C11orf65: variants seen among roughly 807,000 people sequenced by gnomAD.
The protein encoded by C11orf65 is chromosome 11 open reading frame 65.
C11orf65 carries 38 observed loss-of-function variants against 35.3 expected under a neutral mutation model. The observed-to-expected ratio is 1.08, with a 90% CI of 0.83 to 1.41. The LOEUF (loss-of-function observed/expected upper bound fraction) is 1.41, where lower values mean the gene tolerates loss of function less well. Among genes scored for constraint, C11orf65 ranks in the 40% most tolerant of loss-of-function variants. The pLI, the probability that C11orf65 is intolerant of heterozygous loss-of-function variation, is 0.00. For missense variants in C11orf65, 370 were observed against 367.1 expected (o/e 1.01, Z -0.06); for synonymous variants, 105 against 114.4 (o/e 0.92, Z 0.53).
chr11:108,429,840 A>C (rs908027363), intron 3 of C11orf65, among the ~76,000 whole-genome samples: 1 of 152,162 alleles, frequency 6.6e-6, no homozygotes, highest in Admixed American at 6.5e-5. Context: ...GCAATAAACT[A>C]TTACATGGGT....
At chr11:108,446,406 G>A (rs2093258858) in intron 2 of C11orf65, among the ~76,000 whole-genome samples, 1 of 151,598 alleles carries the variant, frequency 6.6e-6, no homozygotes. Context: ...CCCACAAAGG[G>A]AAGCCCATCA....
At chr11:108,453,066 G>A (rs570479017) in intron 2 of C11orf65, among the ~76,000 whole-genome samples, 13 of 150,250 alleles carry the variant, frequency 8.7e-5, no homozygotes, top group South Asian at 8.5e-4. Context: ...GAGTTAATGC[G>A]TGCAGCACAC....
In C11orf65 at chr11:108,326,209, A is replaced by G. The variant is rs1060501640; in HGVS notation, c.641-17138T>C. 3.7e-6 allele frequency: 6 copies of G among 1,614,144 alleles called. No individual in the cohort carries two copies. Among genetic ancestry groups the G allele is most frequent in the Non-Finnish European group, 5.1e-6 (6 of 1,180,018 alleles). On this transcript the variant is annotated intron_variant, in intron 6 of 6. Coordinates refer to the C11orf65 transcript ENST00000525729. The stretch of plus-strand genomic sequence containing the variant: ...CTCAAGCAAATGATCAAGAAGTTGG[A>G]TGCCAGCTGTGCAGCGGTTTGTTTT...
chr11:108,329,106 G>A (rs876659083), downstream of C11orf65: 2 of 1,614,000 alleles, frequency 1.2e-6, no homozygotes, highest in Non-Finnish European at 1.7e-6. Context: ...TCATTAGCCC[G>A]GTTTTCAGAT....
intron 2 of C11orf65, among the ~76,000 whole-genome samples, chr11:108,451,667 C>T (rs373893769): frequency 1.1e-4 from 17 of 152,174 alleles, no homozygotes; most frequent in East Asian, 7.7e-4. Context: ...TTAAAGTTCA[C>T]ATGGAACCAA....
At chr11:108,436,090 T>C (rs1334601113) in intron 2 of C11orf65, among the ~76,000 whole-genome samples, 2 of 146,642 alleles carry the variant, frequency 1.4e-5, no homozygotes, top group East Asian at 4.0e-4. Context: ...CAGGGGTTGC[T>C]CCAGGAAAGG....
At chr11:108,329,666 C>T (rs1023284624), downstream of C11orf65, among the ~76,000 whole-genome samples, 3 of 152,154 alleles carry the variant, frequency 2.0e-5, no homozygotes, top group Admixed American at 6.5e-5. Flanking sequence ...CCACCTTGGC[C>T]GCCCAAAGTG....
intron 2 of C11orf65, among the ~76,000 whole-genome samples, chr11:108,446,137 A>T (rs1315813222): frequency 1.3e-5 from 2 of 152,182 alleles, no homozygotes; most frequent in Non-Finnish European, 2.9e-5. Context: ...CTACGTGAAA[A>T]GACCAAATCT....
chr11:108,394,893 G>T (rs1455091930), intron 6 of C11orf65, among the ~76,000 whole-genome samples: 1 of 152,142 alleles, frequency 6.6e-6, no homozygotes, highest in Non-Finnish European at 1.5e-5. Context: ...CACTTTGGGA[G>T]GGTAAGGCAG....
In C11orf65 at chr11:108,423,700, T is replaced by C. The variant is rs901848100; in HGVS notation, c.174+8046A>G. On this transcript the variant is annotated intron_variant, in intron 3 of 8. Transcript: ENST00000393084. ...GGCAGGTGCCCCTCTGGGACAAAGC[T>C]TCCAGAGGAAGGAACAGTCAGCAAT... 3.3e-5 allele frequency among the ~76,000 whole-genome samples: 5 copies of C among 152,252 alleles called. No individual in the cohort carries two copies. In the South Asian group the frequency reaches 6.2e-4, roughly 19 times the overall value.
chr11:108,439,761 G>C (rs552521597), intron 2 of C11orf65, among the ~76,000 whole-genome samples: 4 of 152,190 alleles, frequency 2.6e-5, no homozygotes, highest in Non-Finnish European at 5.9e-5. Context: ...ACCTAAAATA[G>C]GAAAATTCAC....
rs786202089 is a variant in C11orf65 at position 108,310,314 on chromosome 11, A to C, written c.641-1243T>G. On this transcript the variant is annotated intron_variant, in intron 6 of 6. Transcript: ENST00000525729. ...GAAAAGTATGGATGATCAAGAGAAA[A>C]GGTAATGGAATTTAGAATTTTTGGT... 1.2e-6 allele frequency: 2 copies of C among 1,612,530 alleles called. No homozygotes were observed. Among genetic ancestry groups the C allele is most frequent in the Admixed American group, 3.3e-5 (2 of 60,004 alleles).
At chr11:108,337,118 A>C (rs1437242714) in intron 2 of C11orf65, among the ~76,000 whole-genome samples, 21 of 152,160 alleles carry the variant, frequency 1.4e-4, no homozygotes, top group Admixed American at 1.4e-3. Context: ...ACCCTCCAAA[A>C]TGCTGCTTGA....
downstream of C11orf65, chr11:108,331,080 T>TG: frequency 1.3e-6 from 1 of 795,308 alleles, no homozygotes; most frequent in Non-Finnish European, 1.6e-6. Flanking sequence ...TTTTGGCCTA[T>TG]GGGGAAAAGC....
chr11:108,349,043 TG>T (rs1461322613), intron 2 of C11orf65, among the ~76,000 whole-genome samples: 3 of 152,158 alleles, frequency 2.0e-5, no homozygotes, highest in Non-Finnish European at 4.4e-5. Context: ...GAGGAGGTTC[TG>T]ATCTCACACA....
chr11:108,366,696 TAGG>T (rs1409744923), intron 2 of C11orf65: 1 of 231,252 alleles, frequency 4.3e-6, no homozygotes, highest in Non-Finnish European at 8.6e-6. Context: ...TAAATACTGA[TAGG>T]AGATTTCCCA....
At chr11:108,428,293 C>A (rs1423615201) in intron 3 of C11orf65, among the ~76,000 whole-genome samples, 1 of 152,148 alleles carries the variant, frequency 6.6e-6, no homozygotes, top group Non-Finnish European at 1.5e-5. Context: ...CCATTTGACC[C>A]AGCAACCCCA....
chr11:108,357,284 G>A (rs911584913), intron 2 of C11orf65, among the ~76,000 whole-genome samples: 3 of 152,330 alleles, frequency 2.0e-5, no homozygotes, highest in Non-Finnish European at 4.4e-5. Context: ...CAGCTGGCTT[G>A]GAGGGTCCTA....
At chr11:108,411,229 T>C (rs1275138659) in intron 3 of C11orf65, among the ~76,000 whole-genome samples, 1 of 152,212 alleles carries the variant, frequency 6.6e-6, no homozygotes, top group Non-Finnish European at 1.5e-5. Context: ...TTTTAATCCA[T>C]AGATTATTTA....
Sources: allele counts gnomAD v4.1 joint callset (sites outside exome capture counted in the v4.1 genomes callset), GRCh38; gene constraint gnomAD v4.1.1; transcripts MANE v1.5; gene names NCBI Gene and HGNC (gene_info 2026-07-23, HGNC 2026-07-21).